Variants in PLEKHA2 observed in about 807,000 individuals in gnomAD.
The protein encoded by PLEKHA2 is pleckstrin homology domain-containing family A member 2.
A neutral mutation model predicts 53.2 loss-of-function variants in PLEKHA2; 28 were observed. That is an observed-to-expected ratio of 0.53 (90% CI 0.39 to 0.72). The LOEUF (loss-of-function observed/expected upper bound fraction) is 0.72, where lower values mean the gene tolerates loss of function less well. Ranked by LOEUF, PLEKHA2 falls within the 30% of genes least tolerant of loss-of-function variation. The pLI, the probability that PLEKHA2 is intolerant of heterozygous loss-of-function variation, is 0.00. For missense variants in PLEKHA2, 426 were observed against 537.9 expected (o/e 0.79, Z 2.06); for synonymous variants, 193 against 196.4 (o/e 0.98, Z 0.14).
intron 2 of PLEKHA2, among the ~76,000 whole-genome samples, chr8:38,924,865 A>G (rs969199494): frequency 1.3e-5 from 2 of 152,216 alleles, no homozygotes; most frequent in Non-Finnish European, 2.9e-5. Flanking sequence ...GGCTTCTCGT[A>G]CAGGCAGTGG....
rs527360286 is a variant in PLEKHA2 at position 38,934,214 on chromosome 8, G to A, written c.142-1780G>A. 1.6e-4 allele frequency among the ~76,000 whole-genome samples: 24 copies of A among 152,082 alleles called. 1 individual carries two copies. The South Asian group carries it at 4.6e-3, about 29-fold the overall frequency. On this transcript the variant is annotated intron_variant, in intron 2 of 11. Coordinates refer to ENST00000617275, the MANE Select transcript of PLEKHA2 (RefSeq NM_021623.2). ...GGCGTTTCACTATGTTGGCCAGGGTGGTCCCAGAGTCCTGGTCTCAAGCAG... is the reference window on the plus strand; with the variant it reads ...GGCGTTTCACTATGTTGGCCAGGGTAGTCCCAGAGTCCTGGTCTCAAGCAG...
At chr8:38,917,796 C>G (rs147612772) in intron 1 of PLEKHA2, 111 bp from the exon 2 acceptor site, 1 of 1,259,820 alleles carries the variant, frequency 7.9e-7, no homozygotes, top group Non-Finnish European at 1.1e-6. Flanking sequence ...GGTGCCCCCA[C>G]GGAAGGAAGC....
Position 38,933,790 on chromosome 8 carries a change from A to AAAAG in PLEKHA2, c.142-2201_142-2200insGAAA, listed in dbSNP as rs1554557185. Among the ~76,000 whole-genome samples, 8 of 90,708 alleles carry AAAAG rather than the reference A, an allele frequency of 8.8e-5. 1 individual carries two copies. The highest frequency in any genetic ancestry group is 4.9e-4 in the Admixed American group (4 of 8,236). 59.5% of individuals were successfully genotyped at this position (90,708 alleles called of 152,430 possible). ...AATAGAGGTTTCCTAAAAAAAAAAA[A>AAAAG]AAAAGAAAAGAAAGAAAAGCAGTCG... On this transcript the variant is annotated intron_variant, in intron 2 of 11. Coordinates refer to ENST00000617275, the MANE Select transcript of PLEKHA2 (RefSeq NM_021623.2).
At chr8:38,932,413 C>G (rs1480606416) in intron 2 of PLEKHA2, among the ~76,000 whole-genome samples, 1 of 152,176 alleles carries the variant, frequency 6.6e-6, no homozygotes, top group Non-Finnish European at 1.5e-5. Flanking sequence ...GGAGTCGGTT[C>G]AGGCTTCAGG....
chr8:38,914,140 C>T (rs1833995882), intron 1 of PLEKHA2, among the ~76,000 whole-genome samples: 1 of 152,228 alleles, frequency 6.6e-6, no homozygotes, highest in South Asian at 2.1e-4. Flanking sequence ...TGTCCTGTTT[C>T]TCGCCTGCTT....
At chr8:38,953,157 TGC>T in intron 8 of PLEKHA2, 138 bp from the exon 9 acceptor site, 1 of 744,726 alleles carries the variant, frequency 1.3e-6, no homozygotes, top group Non-Finnish European at 2.3e-6. Flanking sequence ...TTTTTTCTCT[TGC>T]TGATTATTTT....
At chr8:38,966,378 A>G (rs901563370) in intron 10 of PLEKHA2, among the ~76,000 whole-genome samples, 10 of 152,110 alleles carry the variant, frequency 6.6e-5, no homozygotes, top group African/African-American at 2.4e-4. Context: ...CTGCATGTGC[A>G]CACCAATGCA....
At chr8:38,948,938 T>C (rs541326970) in intron 5 of PLEKHA2, among the ~76,000 whole-genome samples, 2 of 152,328 alleles carry the variant, frequency 1.3e-5, no homozygotes, top group South Asian at 4.1e-4. Flanking sequence ...TGGCGTGATC[T>C]CGGCTCACTG....
chr8:38,939,672 A>G (rs1834564133), intron 3 of PLEKHA2, among the ~76,000 whole-genome samples: 1 of 152,204 alleles, frequency 6.6e-6, no homozygotes, highest in South Asian at 2.1e-4. Flanking sequence ...ACAGAATTAA[A>G]ACAGTCCGCC....
chr8:38,903,322 A>G (rs921450070), intron 1 of PLEKHA2, among the ~76,000 whole-genome samples: 1 of 152,212 alleles, frequency 6.6e-6, no homozygotes, highest in African/African-American at 2.4e-5. Flanking sequence ...CAGATTGGTA[A>G]TTACCTTGGT....
intron 1 of PLEKHA2, among the ~76,000 whole-genome samples, chr8:38,906,799 A>G (rs536317091): frequency 6.6e-6 from 1 of 152,186 alleles, no homozygotes; most frequent in African/African-American, 2.4e-5. Flanking sequence ...GGGTTTGTAC[A>G]TTGCGAAGGC....
chr8:38,916,270 C>T (rs2152366712), intron 1 of PLEKHA2, among the ~76,000 whole-genome samples: 1 of 152,302 alleles, frequency 6.6e-6, no homozygotes, highest in Admixed American at 6.5e-5. Context: ...AGCCACCATG[C>T]CTGGCCTCTT....
At chr8:38,933,742 A>G (rs1489971672) in intron 2 of PLEKHA2, among the ~76,000 whole-genome samples, 2 of 143,586 alleles carry the variant, frequency 1.4e-5, no homozygotes, top group Non-Finnish European at 3.0e-5. Flanking sequence ...TTTAAGGGCT[A>G]TAAGGCCTGT....
chr8:38,940,171 G>A (rs931928315), intron 3 of PLEKHA2, among the ~76,000 whole-genome samples: 3 of 152,000 alleles, frequency 2.0e-5, no homozygotes, highest in Non-Finnish European at 2.9e-5. Flanking sequence ...ACCGAGGTGG[G>A]TGGATCACCT....
At position 38,973,384 on chromosome 8, in the gene PLEKHA2, TA is replaced by T. The variant is rs1835288065; in HGVS notation, c.*3602del. ...ATATTTCTGAATATAAATATACTCT[TA>T]TATGGGCTAAAAAGACCCCATGAAT... On this transcript the variant is annotated 3_prime_UTR_variant, in exon 12 of 12. Transcript: ENST00000617275. 1 of 151,962 alleles carries T rather than the reference TA, an allele frequency of 6.6e-6. No individual in the cohort carries two copies. The highest frequency in any genetic ancestry group is 1.5e-5 in the Non-Finnish European group (1 of 68,010). 9.4% of individuals were successfully genotyped at this position (151,962 alleles called of 1,614,324 possible). A position where few individuals can be genotyped will look rare whatever the true frequency, so the allele number is the denominator to read the frequency against.
intron 2 of PLEKHA2, among the ~76,000 whole-genome samples, chr8:38,930,838 A>G (rs1400699569): frequency 6.6e-6 from 1 of 152,208 alleles, no homozygotes; most frequent in African/African-American, 2.4e-5. Context: ...CAGACTCAGC[A>G]GGACCAGCTG....
At chr8:38,940,697 G>A (rs1281942529) in intron 3 of PLEKHA2, among the ~76,000 whole-genome samples, 1 of 150,788 alleles carries the variant, frequency 6.6e-6, no homozygotes, top group African/African-American at 2.4e-5. Context: ...CTAGGGGCCT[G>A]GACTATTGTG....
intron 2 of PLEKHA2, among the ~76,000 whole-genome samples, chr8:38,932,161 C>A (rs1226433296): frequency 6.6e-6 from 1 of 152,000 alleles, no homozygotes; most frequent in African/African-American, 2.4e-5. Flanking sequence ...CAGCTAATTT[C>A]TTTATTTTAC....
At chr8:38,947,058 T>A (rs1834728504) in intron 5 of PLEKHA2, among the ~76,000 whole-genome samples, 1 of 152,220 alleles carries the variant, frequency 6.6e-6, no homozygotes, top group Admixed American at 6.5e-5. Flanking sequence ...TACACGTATA[T>A]AGTATTCATA....
Sources: gnomAD v4.1 joint callset for allele counts (sites outside exome capture counted in the v4.1 genomes callset) on GRCh38, gnomAD v4.1.1 for gene constraint, MANE v1.5 for transcripts, NCBI Gene and HGNC (gene_info 2026-07-23, HGNC 2026-07-21) for gene names.